The following OCA2 variants were observed in gnomAD, a reference collection of about 807,000 sequenced individuals.
The protein encoded by OCA2 is P protein.
A neutral mutation model predicts 100.2 loss-of-function variants in OCA2; 77 were observed. That is an observed-to-expected ratio of 0.77 (90% confidence interval 0.64 to 0.93). The LOEUF is 0.93. Among genes scored for constraint, OCA2 ranks in the 40% least tolerant of loss-of-function variants. OCA2 has a pLI of 0.00. For missense variants in OCA2, 1,062 were observed against 1,089.1 expected (o/e 0.98, Z 0.35); for synonymous variants, 432 against 439.2 (o/e 0.98, Z 0.21).
At chr15:28,045,414 T>C (rs1422785307) in intron 2 of OCA2, among the ~76,000 whole-genome samples, 3 of 152,262 alleles carry the variant, frequency 2.0e-5, no homozygotes, top group African/African-American at 7.2e-5. Flanking sequence ...GTATCACTGC[T>C]GTCACATTTT....
At chr15:27,956,015 C>T (rs544057866) in intron 16 of OCA2, among the ~76,000 whole-genome samples, 112 of 152,178 alleles carry the variant, frequency 7.4e-4, no homozygotes, top group African/African-American at 2.4e-3. Flanking sequence ...CAGACACAGT[C>T]GAATGATTCT....
intron 9 of OCA2, among the ~76,000 whole-genome samples, chr15:28,014,309 T>C (rs1174949110): frequency 6.6e-6 from 1 of 152,168 alleles, no homozygotes; most frequent in Non-Finnish European, 1.5e-5. Flanking sequence ...ATAAGCCAAG[T>C]TGGTAGACGG....
chr15:27,855,751 A>T (rs1432824518), intron 21 of OCA2, among the ~76,000 whole-genome samples: 1 of 152,226 alleles, frequency 6.6e-6, no homozygotes, highest in Non-Finnish European at 1.5e-5. Flanking sequence ...AAGACACAAA[A>T]ATCCCTGCCC....
At chr15:28,048,111 A>C (rs1353611288) in intron 2 of OCA2, among the ~76,000 whole-genome samples, 1 of 152,248 alleles carries the variant, frequency 6.6e-6, no homozygotes, top group Non-Finnish European at 1.5e-5. Flanking sequence ...AACTGAAAGA[A>C]ATTAAAGAAG....
intron 23 of OCA2, among the ~76,000 whole-genome samples, chr15:27,793,300 G>A (rs1286622878): frequency 1.3e-5 from 2 of 152,012 alleles, no homozygotes; most frequent in African/African-American, 2.4e-5. Flanking sequence ...GCAATCTTAT[G>A]AGTGTTTGCG....
chr15:27,963,671 A>G (rs573080810), intron 15 of OCA2, among the ~76,000 whole-genome samples: 177 of 152,138 alleles, frequency 1.2e-3, no homozygotes, highest in Non-Finnish European at 2.1e-3. Flanking sequence ...AATAAGATGC[A>G]CATAAAATCA....
intron 19 of OCA2, among the ~76,000 whole-genome samples, chr15:27,916,756 T>C (rs1049150491): frequency 6.6e-6 from 1 of 152,112 alleles, no homozygotes; most frequent in Non-Finnish European, 1.5e-5. Flanking sequence ...GCAACATAAA[T>C]CAATAGACCC....
intron 22 of OCA2, among the ~76,000 whole-genome samples, chr15:27,850,233 T>C (rs2035696294): frequency 6.6e-6 from 1 of 152,144 alleles, no homozygotes. Flanking sequence ...CAGTCTCTCC[T>C]CAGGGCCCTG....
At chr15:27,915,791 A>G (rs1351962690) in intron 19 of OCA2, among the ~76,000 whole-genome samples, 1 of 152,180 alleles carries the variant, frequency 6.6e-6, no homozygotes, top group African/African-American at 2.4e-5. Flanking sequence ...CAATGTGGAG[A>G]GCAGTTTGGA....
rs138023992 is a variant in OCA2 at position 28,091,539 on chromosome 15, G to T, written c.-22+7685C>A. 4.9e-4 allele frequency among the ~76,000 whole-genome samples: 75 copies of T among 152,294 alleles called. 1 individual carries two copies. The highest frequency in any genetic ancestry group is 1.8e-3 in the African/African-American group (74 of 41,552). ...CAAAAATCAATCAATGTTGAACATG[G>T]AGCTACCATATGACCTAGCAATTCC... On this transcript the variant is annotated intron_variant, in intron 1 of 23. Coordinates refer to ENST00000354638, the MANE Select transcript of OCA2 (RefSeq NM_000275.3).
intron 14 of OCA2, among the ~76,000 whole-genome samples, chr15:27,975,622 C>G (rs1157430236): frequency 6.6e-6 from 1 of 152,198 alleles, no homozygotes; most frequent in Non-Finnish European, 1.5e-5. Flanking sequence ...ATCTACACTC[C>G]CTACTTTATT....
chr15:27,783,263 T>C (rs1448919102), intron 23 of OCA2, among the ~76,000 whole-genome samples: 3 of 152,228 alleles, frequency 2.0e-5, no homozygotes, highest in Non-Finnish European at 2.9e-5. Context: ...TGGAACATTA[T>C]AGGCAAAGAG....
chr15:27,938,906 A>G (rs1349545305), intron 18 of OCA2, among the ~76,000 whole-genome samples: 2 of 152,192 alleles, frequency 1.3e-5, no homozygotes, highest in Admixed American at 6.5e-5. Context: ...GCACAGGCTC[A>G]TGGAGAAGAC....
At chr15:28,085,763 G>C (rs910912184) in intron 1 of OCA2, among the ~76,000 whole-genome samples, 3 of 152,012 alleles carry the variant, frequency 2.0e-5, no homozygotes, top group African/African-American at 4.8e-5. Context: ...CTCAGGACTG[G>C]TGCCTTCAGG....
chr15:27,875,140 A>G (rs940482870), intron 19 of OCA2, among the ~76,000 whole-genome samples: 6 of 152,194 alleles, frequency 3.9e-5, no homozygotes, highest in African/African-American at 9.6e-5. Context: ...GATCATCACT[A>G]TAAAGATACT....
chr15:27,770,915 C>CTCCCTCCCTCCTCTTTCTTCCTTCCT (rs1555403553), intron 23 of OCA2, among the ~76,000 whole-genome samples: 19 of 111,438 alleles, frequency 1.7e-4, no homozygotes, highest in African/African-American at 7.4e-4. Context: ...TCCTTCCCTC[C>CTCCCTCCCTCCTCTTTCTTCCTTCCT]TCCCTCCCTC....
In OCA2 at chr15:28,054,134, G is replaced by A. The variant is rs557820266; in HGVS notation, c.228-21971C>T. Among the ~76,000 whole-genome samples the A allele has an allele frequency of 3.3e-5, 5 of 152,196 alleles. No homozygotes were observed. The South Asian group carries it at 1.0e-3, about 31-fold the overall frequency. On this transcript the variant is annotated intron_variant, in intron 2 of 23. Transcript: ENST00000354638. ...TAGGTGCATGTGTATGTAAATATGT[G>A]TATGTATACAAATACTGTACATATA...
At chr15:27,948,295 C>A (rs2039913034) in intron 18 of OCA2, among the ~76,000 whole-genome samples, 1 of 152,098 alleles carries the variant, frequency 6.6e-6, no homozygotes, top group African/African-American at 2.4e-5. Context: ...GTTGGCCTTG[C>A]TAGAAAACAG....
chr15:27,990,259 C>T (rs2041507543), intron 10 of OCA2, among the ~76,000 whole-genome samples: 2 of 152,128 alleles, frequency 1.3e-5, no homozygotes, highest in Non-Finnish European at 2.9e-5. Flanking sequence ...AGGACGGTCC[C>T]CTCTAGTTCC....
Sources: allele counts gnomAD v4.1 joint callset (sites outside exome capture counted in the v4.1 genomes callset), GRCh38; gene constraint gnomAD v4.1.1; transcripts MANE v1.5; gene names NCBI Gene and HGNC (gene_info 2026-07-23, HGNC 2026-07-21).